Variants in SNX10 observed in about 807,000 individuals in gnomAD.
SNX10 encodes sorting nexin 10.
In SNX10, 25 loss-of-function variants were observed where a neutral mutation model predicts 28.5. The observed-to-expected ratio is 0.88, with a 90% confidence interval of 0.64 to 1.22. The LOEUF (loss-of-function observed/expected upper bound fraction) is 1.22. SNX10 is among the 50% of genes most tolerant of loss of function. SNX10 has a pLI of 0.00. For synonymous variants in SNX10, 62 were observed against 81.4 expected (o/e 0.76, Z 1.28); for missense variants, 223 against 242.6 (o/e 0.92, Z 0.54).
At chr7:26,307,163 C>T (rs1006882122) in intron 1 of SNX10, among the ~76,000 whole-genome samples, 2 of 152,186 alleles carry the variant, frequency 1.3e-5, no homozygotes, top group Non-Finnish European at 2.9e-5. Flanking sequence ...TGTTTAAAAG[C>T]AGAACATTAA....
intron 1 of SNX10, among the ~76,000 whole-genome samples, chr7:26,322,873 T>C (rs1448470865): frequency 6.6e-6 from 1 of 152,168 alleles, no homozygotes; most frequent in African/African-American, 2.4e-5. Context: ...GTCTCTACCC[T>C]CTTGGAGCTC....
At position 26,309,951 on chromosome 7, in the gene SNX10, C is replaced by T. The variant is rs543786813; in HGVS notation, c.-24+17865C>T. ...GATAATACATGTTGCAAGCTTTGCA[C>T]GGTGTCTGGGACATAGTAAACAATT... On this transcript the variant is annotated intron_variant, in intron 1 of 6. Transcript: ENST00000338523. Among the ~76,000 whole-genome samples the T allele has an allele frequency of 3.3e-5, 5 of 152,302 alleles. No individual in the cohort carries two copies. The South Asian group carries it at 8.3e-4, about 25-fold the overall frequency.
At chr7:26,305,869 A>G (rs1467537367) in intron 1 of SNX10, among the ~76,000 whole-genome samples, 1 of 152,158 alleles carries the variant, frequency 6.6e-6, no homozygotes, top group Non-Finnish European at 1.5e-5. Context: ...TAACTTTGGC[A>G]TTTCACCCAC....
In SNX10 at chr7:26,364,320, G is replaced by A; in HGVS notation, c.112-215G>A. On this transcript the variant is annotated intron_variant, in intron 3 of 6. Transcript: ENST00000338523. This position sits in a 1 kb window ranked among gnomAD's most constrained non-coding sequence, Gnocchi z 4.9. ...TGGCCAGGTCATACCTCACCCTGGG[G>A]CAACACTGCTTATTTCCATCATCCT... 6 of 1,269,786 alleles carry A rather than the reference G, an allele frequency of 4.7e-6. No individual in the cohort carries two copies. The highest frequency in any genetic ancestry group is 6.0e-6 in the Non-Finnish European group (6 of 1,006,394). The allele number at this position is 1,269,786 out of a possible 1,614,324, so 78.7% of individuals were successfully genotyped here.
At chr7:26,298,407 A>G (rs1786192325) in intron 1 of SNX10, among the ~76,000 whole-genome samples, 1 of 152,232 alleles carries the variant, frequency 6.6e-6, no homozygotes, top group Non-Finnish European at 1.5e-5. Flanking sequence ...TGGATTAAAA[A>G]CCATGAAACC....
intron 2 of SNX10, among the ~76,000 whole-genome samples, chr7:26,354,509 C>G (rs1324654432): frequency 6.6e-6 from 1 of 152,130 alleles, no homozygotes; most frequent in East Asian, 1.9e-4. Context: ...AGCCAGTACA[C>G]TCAGCTAATT....
chr7:26,334,254 T>C (rs1787842867), intron 1 of SNX10, among the ~76,000 whole-genome samples: 2 of 152,234 alleles, frequency 1.3e-5, no homozygotes, highest in Admixed American at 6.5e-5. Context: ...CAATGTGTAA[T>C]GATCAGATCA....
At chr7:26,332,405 A>C (rs12668538) in intron 1 of SNX10, among the ~76,000 whole-genome samples, 38,570 of 152,058 alleles carry the variant, frequency 0.25, 5,663 homozygotes, top group South Asian at 0.43. Context: ...TGCTCAGGAT[A>C]CTTTGCTTGT....
chr7:26,364,351 T>C lies in SNX10; in HGVS notation c.112-184T>C, dbSNP rs1789205392. 7.6e-7 allele frequency: 1 copy of C among 1,316,970 alleles called. No homozygotes were observed. The highest frequency in any genetic ancestry group is 1.5e-5 in the African/African-American group (1 of 67,302). 81.6% of individuals were successfully genotyped at this position (1,316,970 alleles called of 1,614,324 possible). Reference sequence around the variant, plus strand: ...CTGCTTATTTCCATCATCCTGGCTGTCTTCAGGGCTGTTATGTTCCTGGGT... The same window carrying C: ...CTGCTTATTTCCATCATCCTGGCTGCCTTCAGGGCTGTTATGTTCCTGGGT... On this transcript the variant is annotated intron_variant, in intron 3 of 6. Transcript: ENST00000338523. This position sits in a 1 kb window ranked among gnomAD's most constrained non-coding sequence, Gnocchi z 4.9.
chr7:26,323,854 C>T (rs1420807027), intron 1 of SNX10, among the ~76,000 whole-genome samples: 20 of 152,160 alleles, frequency 1.3e-4, no homozygotes, highest in Admixed American at 1.3e-3. Flanking sequence ...GCCAACAGGA[C>T]ATGTATCTCC....
chr7:26,365,129 G>C lies in SNX10; in HGVS notation c.295G>C (p.Glu99Gln), dbSNP rs750943111. ...QHVDQRRQGLEDFLRKVLQNA... is the reference protein window; with the variant it reads ...QHVDQRRQGLQDFLRKVLQNA... Reference sequence around the variant, plus strand: ...CGTGGATCAGCGTCGCCAGGGTCTGGAAGATTTCCTCAGAAAGTGAGTGTC... The same window carrying C: ...CGTGGATCAGCGTCGCCAGGGTCTGCAAGATTTCCTCAGAAAGTGAGTGTC... The change falls in exon 5 of 7, where the codon GAA becomes CAA. Residue 99 changes from glutamate (E) to glutamine (Q), a missense_variant. Physicochemically the swap from Glu to Gln is conservative, Grantham distance 29. Transcript: ENST00000338523. 5 of 1,610,682 alleles carry C rather than the reference G, an allele frequency of 3.1e-6. No homozygotes were observed. The South Asian group carries it at 5.5e-5, about 18-fold the overall frequency.
At chr7:26,312,582 G>A (rs1786891424) in intron 1 of SNX10, among the ~76,000 whole-genome samples, 2 of 152,208 alleles carry the variant, frequency 1.3e-5, no homozygotes, top group South Asian at 2.1e-4. Context: ...TCAGGCGTTC[G>A]AGACCAGCCT....
intron 2 of SNX10, among the ~76,000 whole-genome samples, chr7:26,353,094 A>G (rs1788671156): frequency 6.6e-6 from 1 of 152,138 alleles, no homozygotes; most frequent in African/African-American, 2.4e-5. Context: ...GTGAGCTATT[A>G]TAAGTCATGT....
intron 1 of SNX10, among the ~76,000 whole-genome samples, chr7:26,344,361 G>A (rs944424743): frequency 3.9e-5 from 6 of 151,976 alleles, no homozygotes; most frequent in African/African-American, 7.3e-5. Flanking sequence ...TAGAGTTGGG[G>A]TTTTGCCCTG....
intron 5 of SNX10, among the ~76,000 whole-genome samples, chr7:26,367,194 C>T (rs73683300): frequency 0.012 from 1,899 of 152,216 alleles, 45 homozygotes; most frequent in African/African-American, 0.044. Flanking sequence ...AACCATGCAG[C>T]GATCCTTCAT....
chr7:26,320,675 G>A (rs1217587438), intron 1 of SNX10, among the ~76,000 whole-genome samples: 1 of 151,998 alleles, frequency 6.6e-6, no homozygotes, highest in African/African-American at 2.4e-5. Flanking sequence ...CTTTTGATCC[G>A]CCTGCCTCGG....
rs10636369 is a variant in SNX10 at position 26,333,322 on chromosome 7, C to CTTT, written c.-23-13080_-23-13078dup. Among the ~76,000 whole-genome samples, 656 of 113,660 alleles carry CTTT rather than the reference C, an allele frequency of 5.8e-3. 30 individuals carry two copies. The highest frequency in any genetic ancestry group is 0.014 in the African/African-American group (395 of 27,820). 74.6% of individuals were successfully genotyped at this position (113,660 alleles called of 152,430 possible). A position where few individuals can be genotyped will look rare whatever the true frequency, so the allele number is the denominator to read the frequency against. On this transcript the variant is annotated intron_variant, in intron 1 of 6. Coordinates refer to ENST00000338523, the MANE Select transcript of SNX10 (RefSeq NM_013322.3). ...TAAATGTAATCCTAGGTATTTTATT[C>CTTT]TTTTTTTTTTTTTTTTTTTTGAGAC...
intron 5 of SNX10, among the ~76,000 whole-genome samples, chr7:26,365,644 A>G (rs532784333): frequency 2.8e-4 from 42 of 152,306 alleles, no homozygotes; most frequent in African/African-American, 8.7e-4. Flanking sequence ...GAACAGTCTC[A>G]GTGAGTTATT....
chr7:26,311,858 G>A (rs914803820), intron 1 of SNX10, among the ~76,000 whole-genome samples: 1 of 151,560 alleles, frequency 6.6e-6, no homozygotes, highest in African/African-American at 2.4e-5. Flanking sequence ...CATCCTTTAA[G>A]ATTTTCACGC....
Sources: allele counts gnomAD v4.1 joint callset (sites outside exome capture counted in the v4.1 genomes callset), GRCh38; gene constraint gnomAD v4.1.1; non-coding constraint Gnocchi (gnomAD v3.1); transcripts MANE v1.5; gene names NCBI Gene and HGNC (gene_info 2026-07-23, HGNC 2026-07-21).